The following PDS5B variants were observed in gnomAD, a reference collection of about 807,000 sequenced individuals.
PDS5B encodes the protein PDS5 cohesin associated factor B.
In PDS5B, 51 loss-of-function variants were observed where a neutral mutation model predicts 184.1. The observed-to-expected ratio is 0.28, with a 90% CI of 0.22 to 0.35. The LOEUF (loss-of-function observed/expected upper bound fraction) is 0.35. Among genes scored for constraint, PDS5B ranks in the 10% least tolerant of loss-of-function variants. The pLI, the probability that PDS5B is intolerant of heterozygous loss-of-function variation, is 1.00. For missense variants in PDS5B, 1,180 were observed against 1,723.3 expected, an observed-to-expected ratio of 0.68 and a Z score of 5.58; for synonymous variants, 566 against 569.2, an observed-to-expected ratio of 0.99 and a Z score of 0.08.
Position 32,602,102 on chromosome 13 carries a change from T to A in PDS5B, c.-20+15509T>A, listed in dbSNP as rs73173071. Among the ~76,000 whole-genome samples the A allele has an allele frequency of 3.9e-3, 595 of 152,290 alleles. 3 individuals are homozygous for A. The highest frequency in any genetic ancestry group is 0.011 in the African/African-American group (469 of 41,556). ...TTTTTTTAAATCCTTGTCTTTTTTTTAAAATTATACTTTAAGTGCTAGGGT... is the reference window on the plus strand; with the variant it reads ...TTTTTTTAAATCCTTGTCTTTTTTTAAAAATTATACTTTAAGTGCTAGGGT... On this transcript the variant is annotated intron_variant, in intron 1 of 34. Coordinates refer to ENST00000315596, the MANE Select transcript of PDS5B (RefSeq NM_015032.4).
At chr13:32,761,149 A>C (rs1232482416) in intron 30 of PDS5B, among the ~76,000 whole-genome samples, 1 of 152,220 alleles carries the variant, frequency 6.6e-6, no homozygotes, top group African/African-American at 2.4e-5. Context: ...TTTTGAAAAC[A>C]GATTAATGTT....
chr13:32,756,443 T>A (rs989472997), intron 26 of PDS5B, among the ~76,000 whole-genome samples: 8 of 152,224 alleles, frequency 5.3e-5, no homozygotes, highest in African/African-American at 1.9e-4. Context: ...GGTGATTCTC[T>A]AACTAGAGTT....
At chr13:32,687,319 T>C in intron 12 of PDS5B, 34 bp downstream of exon 12, 1 of 1,420,422 alleles carries the variant, frequency 7.0e-7, no homozygotes. Context: ...TTTGGTGACT[T>C]TGAATGTTAT....
chr13:32,669,940 C>A, intron 7 of PDS5B, among the ~76,000 whole-genome samples: 1 of 152,052 alleles, frequency 6.6e-6, no homozygotes, highest in East Asian at 1.9e-4. Flanking sequence ...ACTTAATCGT[C>A]TTGTAGTAGG....
At chr13:32,724,702 C>T (rs958771938) in intron 19 of PDS5B, among the ~76,000 whole-genome samples, 1 of 152,118 alleles carries the variant, frequency 6.6e-6, no homozygotes, top group African/African-American at 2.4e-5. Flanking sequence ...CACCTAGCCT[C>T]CTAAGTAGCT....
At chr13:32,698,436 C>T (rs923133461) in intron 15 of PDS5B, among the ~76,000 whole-genome samples, 4 of 152,088 alleles carry the variant, frequency 2.6e-5, no homozygotes. Context: ...TCCAGCTTGC[C>T]CTCAGGTGCT....
chr13:32,636,746 AG>A (rs2058567663), intron 1 of PDS5B, among the ~76,000 whole-genome samples: 1 of 152,232 alleles, frequency 6.6e-6, no homozygotes, highest in African/African-American at 2.4e-5. Flanking sequence ...TTTCTCATAT[AG>A]TTTACAGTTC....
chr13:32,628,047 T>C (rs1410494186), intron 1 of PDS5B, among the ~76,000 whole-genome samples: 2 of 152,154 alleles, frequency 1.3e-5, no homozygotes, highest in African/African-American at 4.8e-5. Flanking sequence ...TAAAGTTCAG[T>C]TTTAAGGGAA....
chr13:32,760,224 G>A (rs770254260), intron 29 of PDS5B, among the ~76,000 whole-genome samples: 41 of 152,142 alleles, frequency 2.7e-4, no homozygotes, highest in Non-Finnish European at 5.4e-4. Context: ...CAAAGTGCTG[G>A]GATTACAGGC....
chr13:32,591,245 C>T (rs1029545209), intron 1 of PDS5B, among the ~76,000 whole-genome samples: 1 of 152,086 alleles, frequency 6.6e-6, no homozygotes, highest in Admixed American at 6.5e-5. Flanking sequence ...TCTCCTTCCT[C>T]AGCCTCCTGA....
intron 13 of PDS5B, among the ~76,000 whole-genome samples, chr13:32,692,455 G>A (rs1180575063): frequency 3.4e-4 from 36 of 106,352 alleles, no homozygotes; most frequent in Admixed American, 2.7e-4. Flanking sequence ...GATAGAGTCC[G>A]ATGGGTGACT....
chr13:32,699,834 C>T lies in PDS5B; in HGVS notation c.1705C>T (p.Pro569Ser), dbSNP rs201690929. The T allele has an allele frequency of 1.3e-6, 2 of 1,574,800 alleles. No homozygotes were observed. Among genetic ancestry groups the T allele is most frequent in the East Asian group, 2.4e-5 (1 of 41,816 alleles). ...AAAGCAGTTAGAAGTACTTGTTAGT[C>T]CAACATGCTCCTGCAAGCAGGCTGA... ...IRKQLEVLVS[P>S]TCSCKQAEGC... is the part of the protein sequence containing the mutation. Residue 569 changes from proline to serine, a missense_variant, in exon 16 of 35, where the codon CCA (proline) becomes TCA (serine). Transcript: ENST00000315596.
intron 11 of PDS5B, 87 bp from the exon 12 acceptor site, chr13:32,687,047 G>A (rs1951416522): frequency 9.7e-7 from 1 of 1,030,596 alleles, no homozygotes; most frequent in Non-Finnish European, 1.4e-6. Context: ...TAAAGGGAAG[G>A]AAAACACAAA....
chr13:32,633,194 G>A (rs61947059), intron 1 of PDS5B, among the ~76,000 whole-genome samples: 369 of 152,224 alleles, frequency 2.4e-3, no homozygotes, highest in Admixed American at 5.7e-3. Flanking sequence ...ATGGTTACAA[G>A]TTTCTTTCTG....
intron 1 of PDS5B, among the ~76,000 whole-genome samples, chr13:32,586,990 CCCG>C (rs541950918): frequency 1.4e-5 from 2 of 140,810 alleles, no homozygotes; most frequent in African/African-American, 5.2e-5. Context: ...CCCGCGCCCT[CCCG>C]CCGCCGCCGT....
chr13:32,685,839 T>C (rs1028304622), intron 11 of PDS5B, among the ~76,000 whole-genome samples: 2 of 152,012 alleles, frequency 1.3e-5, no homozygotes, highest in African/African-American at 4.8e-5. Flanking sequence ...AGGGTCTCAC[T>C]ATGTTGCCTA....
At chr13:32,654,074 A>G (rs1160802783) in intron 3 of PDS5B, among the ~76,000 whole-genome samples, 1 of 152,186 alleles carries the variant, frequency 6.6e-6, no homozygotes. Context: ...TAGCTGAAAA[A>G]TGTTAAGTAT....
intron 19 of PDS5B, among the ~76,000 whole-genome samples, chr13:32,719,962 TTTTG>T (rs1387661537): frequency 6.6e-6 from 1 of 152,122 alleles, no homozygotes; most frequent in Non-Finnish European, 1.5e-5. Context: ...GGCAATTTTT[TTTTG>T]TTTGTGTTTT....
chr13:32,631,114 CTTTCTTTTT>C (rs112124874), intron 1 of PDS5B, among the ~76,000 whole-genome samples: 3,517 of 123,748 alleles, frequency 0.028, 164 homozygotes, highest in African/African-American at 0.094. Flanking sequence ...TTCTTTTTTT[CTTTCTTTTT>C]TTTTTTTTTT....
Sources: allele counts gnomAD v4.1 joint callset (sites outside exome capture counted in the v4.1 genomes callset), GRCh38; gene constraint gnomAD v4.1.1; transcripts MANE v1.5; gene names NCBI Gene and HGNC (gene_info 2026-07-23, HGNC 2026-07-21).